The following ZKSCAN7 variants were observed in gnomAD, a reference collection of about 807,000 sequenced individuals.
ZKSCAN7 encodes zinc finger with KRAB and SCAN domains 7.
ZKSCAN7 carries 38 observed loss-of-function variants against 65.3 expected under a neutral mutation model. The observed-to-expected ratio is 0.58, with a 90% CI of 0.45 to 0.76. ZKSCAN7 has a LOEUF of 0.76. ZKSCAN7 is among the 30% of genes least tolerant of loss of function. The probability of loss-of-function intolerance (pLI) is 0.00; values close to 1 mark genes in which losing one functional copy is unlikely to be tolerated. For missense variants in ZKSCAN7, 815 were observed against 913.3 expected (o/e 0.89, Z 1.39); for synonymous variants, 321 against 321.0 (o/e 1.00, Z 0.00).
chr3:44,578,092 T>C (rs1035689352), intron 5 of ZKSCAN7: 2 of 1,575,518 alleles, frequency 1.3e-6, no homozygotes, highest in East Asian at 2.2e-5. Context: ...CCGGACACCA[T>C]GGCACTGTCA....
downstream of ZKSCAN7, among the ~76,000 whole-genome samples, chr3:44,574,423 C>T (rs2125729829): frequency 6.6e-6 from 1 of 152,242 alleles, no homozygotes; most frequent in African/African-American, 2.4e-5. Context: ...AATCTTATGC[C>T]ACTTATGTTG....
At position 44,571,969 on chromosome 3, in the gene ZKSCAN7, T is replaced by G. The variant is rs1699818387; in HGVS notation, c.*594T>G. On this transcript the variant is annotated 3_prime_UTR_variant, in exon 6 of 6. Coordinates refer to ENST00000426540, the MANE Select transcript of ZKSCAN7 (RefSeq NM_001288590.2). ...TATTTTTCTTCAACTTCTCTTGATTTGACCTCAGTGCTTTGAATTCACTGG... is the reference window on the plus strand; with the variant it reads ...TATTTTTCTTCAACTTCTCTTGATTGGACCTCAGTGCTTTGAATTCACTGG... 2.0e-6 allele frequency: 2 copies of G among 986,852 alleles called. No individual in the cohort carries two copies. The highest frequency in any genetic ancestry group is 1.2e-6 in the Non-Finnish European group (1 of 830,806). The allele number at this position is 986,852 out of a possible 1,614,324, so 61.1% of individuals were successfully genotyped here. A position where few individuals can be genotyped will look rare whatever the true frequency, so the allele number is the denominator to read the frequency against.
At chr3:44,580,213 G>C (rs918737537) in intron 5 of ZKSCAN7, 2 of 1,612,202 alleles carry the variant, frequency 1.2e-6, no homozygotes, top group African/African-American at 2.7e-5. Flanking sequence ...TTCAAGTCGT[G>C]TTTGGTCTTC....
intron 5 of ZKSCAN7, chr3:44,581,058 C>CG: frequency 7.1e-7 from 1 of 1,408,596 alleles, no homozygotes; most frequent in African/African-American, 1.5e-5. Context: ...GGCGCAGGCC[C>CG]GGCCGGCCTG....
Position 44,557,108 on chromosome 3 carries a change from C to G in ZKSCAN7, c.61C>G (p.Gln21Glu). 1 of 1,614,242 alleles carries G rather than the reference C, an allele frequency of 6.2e-7. No individual in the cohort carries two copies. Among genetic ancestry groups the G allele is most frequent in the Non-Finnish European group, 8.5e-7 (1 of 1,180,036 alleles). The change falls in exon 2 of 6, where the codon CAA becomes GAA. Residue 21 changes from glutamine (Q) to glutamate (E), a missense_variant. Around this residue, in one of 3 missense-constraint regions of ZKSCAN7, gnomAD observed 227 missense variants for 253.3 expected, o/e 0.90. Transcript: ENST00000426540. The stretch of plus-strand genomic sequence containing the variant: ...CCCCAGGAGCACTGCTTTCCAGAAG[C>G]AAGAGGGGCGCCTGACTGTGAAGCA... ...LIPRSTAFQK[Q>E]EGRLTVKQEP...
intron 2 of ZKSCAN7, among the ~76,000 whole-genome samples, chr3:44,561,320 A>G (rs1478502286): frequency 3.3e-5 from 5 of 150,294 alleles, no homozygotes; most frequent in African/African-American, 9.8e-5. Context: ...TCTCATGAGA[A>G]CCCACAAGAA....
At chr3:44,561,588 A>G (rs1190088698) in intron 2 of ZKSCAN7, among the ~76,000 whole-genome samples, 1 of 152,208 alleles carries the variant, frequency 6.6e-6, no homozygotes, top group Non-Finnish European at 1.5e-5. Flanking sequence ...CCTTCCACCT[A>G]TGAGCCTGTA....
downstream of ZKSCAN7, among the ~76,000 whole-genome samples, chr3:44,574,343 G>C (rs375701728): frequency 6.8e-4 from 103 of 152,140 alleles, no homozygotes; most frequent in African/African-American, 2.3e-3. Flanking sequence ...TGAACTCCTG[G>C]GCTCAAGCGG....
downstream of ZKSCAN7, among the ~76,000 whole-genome samples, chr3:44,573,426 A>C (rs13075175): frequency 0.28 from 42,192 of 152,058 alleles, 6,347 homozygotes; most frequent in Non-Finnish European, 0.32. Flanking sequence ...GAGTTGAGGC[A>C]TAGGAAAATA....
intron 5 of ZKSCAN7, among the ~76,000 whole-genome samples, chr3:44,579,198 G>A (rs557872351): frequency 3.3e-5 from 5 of 152,234 alleles, no homozygotes; most frequent in Admixed American, 2.6e-4. Flanking sequence ...ACCTCCATGC[G>A]CAGGGCTGCA....
At chr3:44,573,579 G>A (rs1699865349), downstream of ZKSCAN7, among the ~76,000 whole-genome samples, 1 of 152,194 alleles carries the variant, frequency 6.6e-6, no homozygotes, top group South Asian at 2.1e-4. Flanking sequence ...TTTATATTTA[G>A]TATGTGTTTC....
At chr3:44,568,831 C>A (rs929915079) in intron 5 of ZKSCAN7, among the ~76,000 whole-genome samples, 2 of 152,206 alleles carry the variant, frequency 1.3e-5, no homozygotes, top group Non-Finnish European at 2.9e-5. Flanking sequence ...TGCCTGTGTT[C>A]CAGTGTGAAT....
At chr3:44,580,569 T>C in intron 5 of ZKSCAN7, 7 of 1,613,914 alleles carry the variant, frequency 4.3e-6, no homozygotes, top group Non-Finnish European at 5.9e-6. Context: ...CTGATTCTGC[T>C]TGTTGGTCCG....
In ZKSCAN7 at chr3:44,571,109, G is replaced by A. The variant is rs765725369; in HGVS notation, c.1999G>A (p.Glu667Lys). Residue 667 changes from glutamate (E) to lysine (K), a missense_variant, in exon 6 of 6, where the codon GAG (glutamate) becomes AAG (lysine). Physicochemically the swap from Glu to Lys is moderately conservative, Grantham distance 56. Around this residue, in one of 3 missense-constraint regions of ZKSCAN7, gnomAD observed 578 missense variants for 629.5 expected, o/e 0.92. Transcript: ENST00000426540. ...TGGTGAGAAACCCTATGAATGTAAT[G>A]AGTGTGGGAAGGTATTCAGTTATAG... ...HTGEKPYECNECGKVFSYSSS... is the reference protein window; with the variant it reads ...HTGEKPYECNKCGKVFSYSSS... The A allele has an allele frequency of 1.9e-6, 3 of 1,614,174 alleles. No individual in the cohort carries two copies. The East Asian group carries it at 6.7e-5, about 36-fold the overall frequency.
chr3:44,565,227 C>T (rs1330035917), intron 2 of ZKSCAN7, among the ~76,000 whole-genome samples: 1 of 152,188 alleles, frequency 6.6e-6, no homozygotes, highest in Admixed American at 6.5e-5. Flanking sequence ...AGACCTGACA[C>T]AGAGTGGAAA....
At chr3:44,581,281 C>T (rs887011737) in intron 5 of ZKSCAN7, among the ~76,000 whole-genome samples, 4 of 149,608 alleles carry the variant, frequency 2.7e-5, no homozygotes, top group Non-Finnish European at 5.9e-5. Flanking sequence ...GCCTCGGGCC[C>T]GCTGCTTCCC....
Position 44,570,579 on chromosome 3 carries a change from C to CTGGGG in ZKSCAN7, c.1470_1474dup (p.Glu492ValfsTer129). 6.2e-7 allele frequency: 1 copy of CTGGGG among 1,612,696 alleles called. No individual in the cohort carries two copies. Among genetic ancestry groups the CTGGGG allele is most frequent in the Non-Finnish European group, 8.5e-7 (1 of 1,178,774 alleles). ...CTCACTGACCACCAGAGAACCCATACTGGGGAGAAACCTTATGAATGCAAT... is the reference window on the plus strand; with the variant it reads ...CTCACTGACCACCAGAGAACCCATACTGGGGTGGGGAGAAACCTTATGAATGCAAT... On this transcript the variant is annotated frameshift_variant, in exon 6 of 6. Transcript: ENST00000426540. LOFTEE classifies it high-confidence loss of function.
chr3:44,577,735 G>A (rs1040064288), intron 5 of ZKSCAN7, among the ~76,000 whole-genome samples: 1 of 152,306 alleles, frequency 6.6e-6, no homozygotes, highest in Admixed American at 6.5e-5. Context: ...CTTTGATGAA[G>A]ACAACAGGAA....
Position 44,555,230 on chromosome 3 carries a change from G to A in ZKSCAN7, c.-370G>A, listed in dbSNP as rs1699254344. 1 of 152,280 alleles carries A rather than the reference G, an allele frequency of 6.6e-6. No homozygotes were observed. Among genetic ancestry groups the A allele is most frequent in the South Asian group, 2.1e-4 (1 of 4,836 alleles). 9.4% of individuals were successfully genotyped at this position (152,280 alleles called of 1,614,324 possible). A position where few individuals can be genotyped will look rare whatever the true frequency, so the allele number is the denominator to read the frequency against. On this transcript the variant is annotated 5_prime_UTR_variant, in exon 1 of 6. Coordinates refer to ENST00000426540, the MANE Select transcript of ZKSCAN7 (RefSeq NM_001288590.2). ...GCCATTGTTTTTGGTCTAACGGGCA[G>A]TAGAGTGTCCGGCTTCGGTGCCGAG... is the stretch of plus-strand genomic sequence containing the variant.
Sources: gnomAD v4.1 joint callset for allele counts (sites outside exome capture counted in the v4.1 genomes callset) on GRCh38, gnomAD v4.1.1 for gene constraint, gnomAD v4.1.1 regional missense constraint, MANE v1.5 for transcripts, NCBI Gene and HGNC (gene_info 2026-07-23, HGNC 2026-07-21) for gene names.